Variants in FSTL4 observed in about 807,000 individuals in gnomAD.
FSTL4 encodes the protein follistatin like 4.
In FSTL4, 28 loss-of-function variants were observed where a neutral mutation model predicts 78.2. The observed-to-expected ratio is 0.36, with a 90% CI of 0.27 to 0.49. The LOEUF is 0.49. FSTL4 is among the 20% of genes least tolerant of loss of function. The pLI is 0.98. For missense variants in FSTL4, 922 were observed against 1,084.9 expected, an observed-to-expected ratio of 0.85 and a Z score of 2.11; for synonymous variants, 422 against 440.5, an observed-to-expected ratio of 0.96 and a Z score of 0.53.
chr5:133,206,429 C>T (rs917697302), intron 14 of FSTL4, among the ~76,000 whole-genome samples: 1 of 152,118 alleles, frequency 6.6e-6, no homozygotes, highest in Non-Finnish European at 1.5e-5. Flanking sequence ...GATCTCGGCT[C>T]ACTGCAACCT....
At chr5:133,491,779 A>G (rs1758271849) in intron 3 of FSTL4, among the ~76,000 whole-genome samples, 1 of 152,174 alleles carries the variant, frequency 6.6e-6, no homozygotes, top group Non-Finnish European at 1.5e-5. Flanking sequence ...ATATTTAGAC[A>G]TGATCTTTGT....
chr5:133,199,213 T>C lies in FSTL4; in HGVS notation c.2411A>G (p.Tyr804Cys). The C allele has an allele frequency of 6.2e-7, 1 of 1,613,188 alleles. No individual in the cohort carries two copies. The highest frequency in any genetic ancestry group is 8.5e-7 in the Non-Finnish European group (1 of 1,179,400). The change falls in exon 16 of 16, where the codon TAC becomes TGC. Residue 804 changes from tyrosine to cysteine, a missense_variant. Tyr to Cys is a radical substitution (Grantham distance 194, BLOSUM62 -2). Transcript: ENST00000265342. The surrounding 1 kb of genome is among the most constrained non-coding windows in gnomAD (Gnocchi z 4.4). ...IMRDSGLFGQ[Y>C]LLTPARESLF... ...TGACTCTCGGGCTGGTGTGAGGAGG[T>C]ACTGTCCAAACAGCCCACTGTCCCT...
intron 15 of FSTL4, among the ~76,000 whole-genome samples, chr5:133,201,362 A>G (rs1258895086): frequency 6.6e-6 from 1 of 152,176 alleles, no homozygotes. Flanking sequence ...AAACCATGGC[A>G]ATCAGGAAGC....
intron 6 of FSTL4, among the ~76,000 whole-genome samples, chr5:133,261,661 GC>G (rs1752524866): frequency 6.6e-6 from 1 of 152,180 alleles, no homozygotes; most frequent in Middle Eastern, 3.4e-3. Context: ...TTTGAGACCA[GC>G]CTGGCCAACA....
intron 3 of FSTL4, among the ~76,000 whole-genome samples, chr5:133,463,477 G>T (rs2112840528): frequency 6.6e-6 from 1 of 152,284 alleles, no homozygotes; most frequent in South Asian, 2.1e-4. Context: ...TCAACCAAGT[G>T]TTAGAGCAAT....
chr5:133,816,956 G>C, the FSTL4 span, among the ~76,000 whole-genome samples: 2 of 152,106 alleles, frequency 1.3e-5, no homozygotes, highest in Non-Finnish European at 2.9e-5. Flanking sequence ...CTGTACTCCA[G>C]GCAGCCCCCA....
At chr5:133,282,095 T>C (rs1450307921) in intron 6 of FSTL4, among the ~76,000 whole-genome samples, 2 of 152,132 alleles carry the variant, frequency 1.3e-5, no homozygotes, top group Admixed American at 6.5e-5. Context: ...GGGAGGCAGA[T>C]GAGAAGAGAC....
chr5:133,276,506 C>T (rs1382511102), intron 6 of FSTL4, among the ~76,000 whole-genome samples: 1 of 152,210 alleles, frequency 6.6e-6, no homozygotes, highest in Non-Finnish European at 1.5e-5. Context: ...CCTGTAGGAA[C>T]ACCCAGGGTC....
At chr5:133,490,423 G>T (rs1336082937) in intron 3 of FSTL4, among the ~76,000 whole-genome samples, 1 of 146,782 alleles carries the variant, frequency 6.8e-6, no homozygotes. Flanking sequence ...CCTCACTATT[G>T]CTTCTTTATT....
At chr5:133,701,509 A>ACCCACCCC in the FSTL4 span, among the ~76,000 whole-genome samples, 1 of 132,622 alleles carries the variant, frequency 7.5e-6, no homozygotes, top group East Asian at 2.2e-4. Context: ...ACACACACAC[A>ACCCACCCC]CCCCACAGGC....
the FSTL4 span, among the ~76,000 whole-genome samples, chr5:133,756,735 C>A: frequency 6.6e-6 from 1 of 152,086 alleles, no homozygotes; most frequent in East Asian, 1.9e-4. Flanking sequence ...CTGGACATAG[C>A]AGGTGCTATA....
At chr5:133,769,796 A>T in the FSTL4 span, among the ~76,000 whole-genome samples, 4 of 152,302 alleles carry the variant, frequency 2.6e-5, no homozygotes, top group East Asian at 7.7e-4. Flanking sequence ...TAGTGTACCC[A>T]TCACCTGAAT....
At chr5:133,375,289 G>GGC (rs1296609230) in intron 4 of FSTL4, among the ~76,000 whole-genome samples, 2 of 23,390 alleles carry the variant, frequency 8.6e-5, no homozygotes, top group Admixed American at 7.0e-4. Flanking sequence ...GGGTGTGCAT[G>GGC]GCATATATAT....
At chr5:133,622,051 C>G in the FSTL4 span, among the ~76,000 whole-genome samples, 1 of 152,076 alleles carries the variant, frequency 6.6e-6, no homozygotes, top group Non-Finnish European at 1.5e-5. Context: ...TTCTCTCTCT[C>G]CCTCCCCCCT....
chr5:133,399,099 G>A (rs374254365), intron 4 of FSTL4, among the ~76,000 whole-genome samples: 4 of 152,288 alleles, frequency 2.6e-5, no homozygotes, highest in Middle Eastern at 3.4e-3. Context: ...AACCAATGGT[G>A]AGGGAGGGTG....
At chr5:133,527,313 G>A (rs1759152967) in intron 3 of FSTL4, among the ~76,000 whole-genome samples, 7 of 152,142 alleles carry the variant, frequency 4.6e-5, no homozygotes, top group Admixed American at 4.6e-4. Flanking sequence ...AAGAAGACTG[G>A]TGAAGCTTTA....
intron 6 of FSTL4, among the ~76,000 whole-genome samples, chr5:133,269,184 CA>C (rs869156118): frequency 0.11 from 6,251 of 58,872 alleles, 238 homozygotes; most frequent in African/African-American, 0.24. Context: ...GACTCCATCT[CA>C]AAAAAAAAAA....
In FSTL4 at chr5:133,338,974, C is replaced by A. The variant is rs1237735595; in HGVS notation, c.410-22322G>T. Among the ~76,000 whole-genome samples the A allele has an allele frequency of 6.6e-6, 1 of 152,180 alleles. No individual in the cohort carries two copies. The highest frequency in any genetic ancestry group is 1.5e-5 in the Non-Finnish European group (1 of 68,026). On this transcript the variant is annotated intron_variant, in intron 4 of 15. Coordinates refer to ENST00000265342, the MANE Select transcript of FSTL4 (RefSeq NM_015082.2). The surrounding 1 kb of genome is among the most constrained non-coding windows in gnomAD (Gnocchi z 4.0). ...CGATCATGTCCCCACCAATCCTCCC[C>A]CACTCAGTAGCTGGAGGAATCTTAT...
At chr5:133,556,533 C>T (rs570085332) in intron 3 of FSTL4, among the ~76,000 whole-genome samples, 1 of 152,240 alleles carries the variant, frequency 6.6e-6, no homozygotes, top group East Asian at 1.9e-4. Context: ...CGAGACCAGC[C>T]TGGCCAACTT....
Sources: allele counts gnomAD v4.1 joint callset (sites outside exome capture counted in the v4.1 genomes callset), GRCh38; gene constraint gnomAD v4.1.1; non-coding constraint Gnocchi (gnomAD v3.1); transcripts MANE v1.5; gene names NCBI Gene and HGNC (gene_info 2026-07-23, HGNC 2026-07-21).